The following ZC3H12B variants were observed in gnomAD, a reference collection of about 807,000 sequenced individuals.
ZC3H12B encodes the protein probable ribonuclease ZC3H12B.
In ZC3H12B, 7 loss-of-function variants were observed where a neutral mutation model predicts 43.9. That is an observed-to-expected ratio of 0.16 (90% CI 0.09 to 0.30). The LOEUF is 0.30. Ranked by LOEUF, ZC3H12B falls within the 10% of genes least tolerant of loss-of-function variation. ZC3H12B has a pLI of 1.00. For synonymous variants in ZC3H12B, 222 were observed against 241.7 expected (o/e 0.92, Z 0.76); for missense variants, 475 against 670.2 (o/e 0.71, Z 3.22).
the ZC3H12B span, among the ~76,000 whole-genome samples, chrX:65,138,624 A>T: frequency 8.9e-6 from 1 of 112,080 alleles, no homozygotes. Flanking sequence ...TTGCTAAATT[A>T]TATGGTCATT....
At chrX:65,047,531 C>T in the ZC3H12B span, among the ~76,000 whole-genome samples, 1 of 111,111 alleles carries the variant, frequency 9.0e-6, no homozygotes, top group African/African-American at 3.3e-5. Context: ...TAAAGACACA[C>T]TCACCTCCTT....
chrX:65,397,196 C>A (rs1030132014), intron 2 of ZC3H12B, among the ~76,000 whole-genome samples: 2 of 111,975 alleles, frequency 1.8e-5, no homozygotes, highest in African/African-American at 6.5e-5. Context: ...AGCCCATTTA[C>A]ATTTAACATT....
chrX:65,492,349 T>C (rs2068218104), intron 1 of ZC3H12B, among the ~76,000 whole-genome samples: 1 of 112,347 alleles, frequency 8.9e-6, no homozygotes, highest in African/African-American at 3.2e-5. Flanking sequence ...CTTGGATAAT[T>C]AGTTTCAACA....
the ZC3H12B span, among the ~76,000 whole-genome samples, chrX:65,190,733 G>A: frequency 9.2e-6 from 1 of 108,593 alleles, no homozygotes; most frequent in East Asian, 2.9e-4. Context: ...ATACAATCAT[G>A]TCATCTGCAA....
At chrX:65,167,855 A>C in the ZC3H12B span, among the ~76,000 whole-genome samples, 70 of 111,907 alleles carry the variant, frequency 6.3e-4, no homozygotes, top group African/African-American at 2.0e-3. Context: ...TTGGTGTATA[A>C]GAATGCTTGT....
the ZC3H12B span, among the ~76,000 whole-genome samples, chrX:65,245,701 A>T: frequency 8.9e-6 from 1 of 111,832 alleles, no homozygotes; most frequent in Non-Finnish European, 1.9e-5. Context: ...ACCTCAAAAT[A>T]GTAAGACCTA....
At chrX:65,317,576 A>T in the ZC3H12B span, among the ~76,000 whole-genome samples, 1 of 108,950 alleles carries the variant, frequency 9.2e-6, no homozygotes, top group African/African-American at 3.3e-5. Context: ...TATTATTCTT[A>T]TGCCGTTGCA....
chrX:65,491,632 G>C (rs765492205), intron 1 of ZC3H12B, among the ~76,000 whole-genome samples: 1 of 106,987 alleles, frequency 9.3e-6, no homozygotes, highest in Non-Finnish European at 1.9e-5. Flanking sequence ...TCTTGAGCTC[G>C]GGAGGTCAAG....
At chrX:65,496,156 C>T (rs1425734019) in intron 1 of ZC3H12B, among the ~76,000 whole-genome samples, 2 of 112,051 alleles carry the variant, frequency 1.8e-5, no homozygotes, top group Admixed American at 9.5e-5. Context: ...TCTACAAAAT[C>T]GGTGTTACAT....
chrX:65,295,576 G>A, the ZC3H12B span, among the ~76,000 whole-genome samples: 4 of 110,860 alleles, frequency 3.6e-5, no homozygotes, highest in East Asian at 2.8e-4. Flanking sequence ...ACTAAATTAC[G>A]TTGAAACAAA....
At chrX:65,334,158 C>G in the ZC3H12B span, among the ~76,000 whole-genome samples, 1 of 112,124 alleles carries the variant, frequency 8.9e-6, no homozygotes, top group South Asian at 3.7e-4. Flanking sequence ...TTCTTATAAA[C>G]TTTTATAACC....
the ZC3H12B span, among the ~76,000 whole-genome samples, chrX:65,312,798 C>A: frequency 8.9e-6 from 1 of 112,000 alleles, no homozygotes; most frequent in Non-Finnish European, 1.9e-5. Flanking sequence ...TGTAAGGACA[C>A]TTATCCCTCT....
the ZC3H12B span, among the ~76,000 whole-genome samples, chrX:65,333,612 T>C: frequency 4.5e-5 from 5 of 112,298 alleles, no homozygotes; most frequent in Admixed American, 3.8e-4. Flanking sequence ...TCCTGCTTGA[T>C]ATTCATGAAC....
chrX:65,391,370 G>A (rs934419872), intron 2 of ZC3H12B, among the ~76,000 whole-genome samples: 1 of 112,439 alleles, frequency 8.9e-6, no homozygotes, highest in Admixed American at 9.4e-5. Context: ...AGTTTCACAG[G>A]TTGATTATTC....
At chrX:65,496,104 C>T (rs998417348) in intron 1 of ZC3H12B, among the ~76,000 whole-genome samples, 1 of 111,830 alleles carries the variant, frequency 8.9e-6, no homozygotes, top group African/African-American at 3.2e-5. Context: ...ATTAATATTT[C>T]GATGTACTCA....
the ZC3H12B span, among the ~76,000 whole-genome samples, chrX:65,279,336 C>T: frequency 4.0e-5 from 4 of 98,805 alleles, no homozygotes; most frequent in East Asian, 1.2e-3. Context: ...AATAGCCATT[C>T]TGAGTGTTGT....
chrX:65,353,440 CA>C, the ZC3H12B span, among the ~76,000 whole-genome samples: 6 of 112,018 alleles, frequency 5.4e-5, no homozygotes, highest in Admixed American at 9.5e-5. Context: ...AACCTTAGAA[CA>C]AACACTAGAC....
chrX:65,448,522 AAAG>A (rs2067412258), intron 3 of ZC3H12B, among the ~76,000 whole-genome samples: 1 of 111,634 alleles, frequency 9.0e-6, no homozygotes, highest in Admixed American at 9.5e-5. Flanking sequence ...ATGTGTGGAT[AAAG>A]AAGATGTGGG....
At chrX:65,477,355 C>T (rs1176271305) in intron 3 of ZC3H12B, among the ~76,000 whole-genome samples, 3 of 101,060 alleles carry the variant, frequency 3.0e-5, no homozygotes, top group Admixed American at 1.0e-4. Flanking sequence ...GGAGGTTAAA[C>T]AAGCATTATA....
Sources: allele counts gnomAD v4.1 joint callset (sites outside exome capture counted in the v4.1 genomes callset), GRCh38; gene constraint gnomAD v4.1.1; transcripts MANE v1.5; gene names NCBI Gene and HGNC (gene_info 2026-07-23, HGNC 2026-07-21).